BAIAP2L1: variants seen among roughly 807,000 people sequenced by gnomAD.
BAIAP2L1 encodes BAR/IMD domain-containing adapter protein 2-like 1.
Under a neutral mutation model 66.3 loss-of-function variants are expected in BAIAP2L1, and 35 were observed. That is an observed-to-expected ratio of 0.53 (90% CI 0.40 to 0.70). The LOEUF is 0.70. Ranked by LOEUF, BAIAP2L1 falls within the 30% of genes least tolerant of loss-of-function variation. The pLI is 0.00. For missense variants in BAIAP2L1, 622 were observed against 656.9 expected, an observed-to-expected ratio of 0.95 and a Z score of 0.58; for synonymous variants, 269 against 248.7, an observed-to-expected ratio of 1.08 and a Z score of -0.77.
chr7:98,362,242 G>T, intron 2 of BAIAP2L1, 115 bp downstream of exon 2: 1 of 761,700 alleles, frequency 1.3e-6, no homozygotes, highest in Non-Finnish European at 2.1e-6. Context: ...TAAATTCATT[G>T]TGAACAATTT....
Position 98,304,366 on chromosome 7 carries a change from C to T in BAIAP2L1, c.1252G>A (p.Val418Met), listed in dbSNP as rs1800550660. 2 of 1,613,336 alleles carry T rather than the reference C, an allele frequency of 1.2e-6. No homozygotes were observed. The highest frequency in any genetic ancestry group is 2.2e-5 in the South Asian group (2 of 90,912). ...AAGTTCACGGTGCTGATGCTTCTCACTGGTGTGGGGCTCAAACCCAAAAAG... is the reference window on the plus strand; with the variant it reads ...AAGTTCACGGTGCTGATGCTTCTCATTGGTGTGGGGCTCAAACCCAAAAAG... The part of the protein sequence containing the change: ...VTVPTPSPTP[V>M]RSISTVNLSE... Residue 418 changes from valine to methionine, a missense_variant, in exon 12 of 14, where the codon GTG (valine) becomes ATG (methionine). Physicochemically the swap from Val to Met is conservative, Grantham distance 21. Transcript: ENST00000005260.
intron 10 of BAIAP2L1, 156 bp from the exon 11 acceptor site, chr7:98,306,672 A>G: frequency 9.2e-7 from 1 of 1,083,570 alleles, no homozygotes; most frequent in East Asian, 2.6e-5. Context: ...ATAGGTAAAT[A>G]TGGACTTTCA....
At chr7:98,396,631 C>A (rs976940453) in intron 1 of BAIAP2L1, among the ~76,000 whole-genome samples, 9 of 151,992 alleles carry the variant, frequency 5.9e-5, no homozygotes, top group Non-Finnish European at 1.2e-4. Context: ...CTGCTTCTAT[C>A]AAAAAATGCA....
At chr7:98,299,766 C>G (rs866344727) in intron 12 of BAIAP2L1, among the ~76,000 whole-genome samples, 1 of 152,186 alleles carries the variant, frequency 6.6e-6, no homozygotes, top group African/African-American at 2.4e-5. Flanking sequence ...ATTTGCCGGG[C>G]GCAGTGACTC....
intron 11 of BAIAP2L1, among the ~76,000 whole-genome samples, chr7:98,305,629 C>T (rs1034997215): frequency 2.6e-5 from 4 of 152,018 alleles, no homozygotes; most frequent in Non-Finnish European, 4.4e-5. Flanking sequence ...TGCTATGTTG[C>T]GCAGGCTGGT....
At chr7:98,308,511 C>G (rs968855344) in intron 9 of BAIAP2L1, 1 of 353,894 alleles carries the variant, frequency 2.8e-6, no homozygotes, top group Non-Finnish European at 5.6e-6. Context: ...TTATTATCCA[C>G]AGGACAGACC....
intron 3 of BAIAP2L1, among the ~76,000 whole-genome samples, chr7:98,331,330 T>A (rs1801489752): frequency 6.6e-6 from 1 of 151,974 alleles, no homozygotes; most frequent in African/African-American, 2.4e-5. Flanking sequence ...TGTAATAATA[T>A]GAGAATCTTC....
intron 1 of BAIAP2L1, among the ~76,000 whole-genome samples, chr7:98,397,544 C>A (rs547395899): frequency 6.6e-6 from 1 of 151,990 alleles, no homozygotes; most frequent in African/African-American, 2.4e-5. Context: ...AGGACGGTCT[C>A]GATCTCCTGA....
At chr7:98,295,542 G>A (rs765254397) in intron 12 of BAIAP2L1, among the ~76,000 whole-genome samples, 4 of 152,258 alleles carry the variant, frequency 2.6e-5, no homozygotes, top group African/African-American at 9.6e-5. Context: ...GGTGCCTGTC[G>A]CATGTGCTCA....
intron 2 of BAIAP2L1, among the ~76,000 whole-genome samples, chr7:98,355,715 G>A (rs1477768032): frequency 6.6e-6 from 1 of 152,100 alleles, no homozygotes; most frequent in Non-Finnish European, 1.5e-5. Flanking sequence ...GGGTGACACA[G>A]CCAGATATTG....
rs111318271 is a variant in BAIAP2L1, at chr7:98,367,604, C to T, written c.52-5172G>A. 9.9e-3 allele frequency among the ~76,000 whole-genome samples: 1,404 copies of T among 142,176 alleles called. 26 individuals are homozygous for T. The highest frequency in any genetic ancestry group is 0.035 in the African/African-American group (1,348 of 38,780). 93.3% of individuals were successfully genotyped at this position (142,176 alleles called of 152,430 possible). ...AGGCTAGAGTGCAGTGACGCAATCT[C>T]GGCTCACTGCAAGCTCTGCCTCTGG... On this transcript the variant is annotated intron_variant, in intron 1 of 13. Coordinates refer to ENST00000005260, the MANE Select transcript of BAIAP2L1 (RefSeq NM_018842.5).
chr7:98,389,587 C>CT (rs1458244186), intron 1 of BAIAP2L1, among the ~76,000 whole-genome samples: 4 of 152,104 alleles, frequency 2.6e-5, no homozygotes, highest in African/African-American at 9.7e-5. Flanking sequence ...TCCGAAACTG[C>CT]TGGGATTACG....
chr7:98,394,768 G>A (rs532983738), intron 1 of BAIAP2L1, among the ~76,000 whole-genome samples: 6 of 152,298 alleles, frequency 3.9e-5, no homozygotes, highest in East Asian at 1.9e-4. Context: ...GCCATCAGAC[G>A]TGAGCCAGAA....
rs1554412610 is a variant in BAIAP2L1 at position 98,315,622 on chromosome 7, A to AATAAT, written c.487-11_487-10insATTAT. The AATAAT allele has an allele frequency of 9.3e-7, 1 of 1,072,930 alleles. No individual in the cohort carries two copies. The highest frequency in any genetic ancestry group is 1.2e-6 in the Non-Finnish European group (1 of 834,542). 66.5% of individuals were successfully genotyped at this position (1,072,930 alleles called of 1,614,324 possible). On this transcript the variant is annotated splice_polypyrimidine_tract_variant and intron_variant, in intron 6 of 13. Coordinates refer to ENST00000005260, the MANE Select transcript of BAIAP2L1 (RefSeq NM_018842.5). ...TAACGGTCTCCACATACTAAAAAAA[A>AATAAT]AAAAATAATAATAATAATAATTATA...
chr7:98,393,112 TACACATATATGTATATATAC>T lies in BAIAP2L1; in HGVS notation c.51+7670_51+7689del, dbSNP rs1405415950. Among the ~76,000 whole-genome samples the T allele has an allele frequency of 7.2e-5, 6 of 82,768 alleles. 2 individuals carry two copies. Among genetic ancestry groups the T allele is most frequent in the Non-Finnish European group, 1.6e-4 (6 of 37,232 alleles). 54.3% of individuals were successfully genotyped at this position (82,768 alleles called of 152,430 possible). Reference sequence around the variant, plus strand: ...ATACATATATACGTGTACATATATGTACACATATATGTATATATACACACATATGTGTACATATATATGTA... The same window carrying T: ...ATACATATATACGTGTACATATATGTACACATATGTGTACATATATATGTA... On this transcript the variant is annotated intron_variant, in intron 1 of 13. Coordinates refer to ENST00000005260, the MANE Select transcript of BAIAP2L1 (RefSeq NM_018842.5).
At chr7:98,371,034 T>TAG (rs1397789753) in intron 1 of BAIAP2L1, among the ~76,000 whole-genome samples, 1 of 152,212 alleles carries the variant, frequency 6.6e-6, no homozygotes, top group Non-Finnish European at 1.5e-5. Context: ...CTGCAAGGCT[T>TAG]GTGAAGACCT....
At chr7:98,316,691 C>T (rs1214352411) in intron 6 of BAIAP2L1, among the ~76,000 whole-genome samples, 1 of 152,042 alleles carries the variant, frequency 6.6e-6, no homozygotes, top group Non-Finnish European at 1.5e-5. Flanking sequence ...CTATAGTCAC[C>T]CTACTCTGCT....
intron 3 of BAIAP2L1, among the ~76,000 whole-genome samples, chr7:98,329,296 C>T (rs939275087): frequency 4.6e-5 from 7 of 152,190 alleles, no homozygotes; most frequent in Admixed American, 3.3e-4. Context: ...GACAGGCTGA[C>T]GCAGAGACTC....
At chr7:98,357,168 T>C (rs1802155805) in intron 2 of BAIAP2L1, among the ~76,000 whole-genome samples, 2 of 147,604 alleles carry the variant, frequency 1.4e-5, no homozygotes, top group Admixed American at 6.9e-5. Flanking sequence ...ATTATAGTTG[T>C]GAGCCACAGA....
Sources: allele counts gnomAD v4.1 joint callset (sites outside exome capture counted in the v4.1 genomes callset), GRCh38; gene constraint gnomAD v4.1.1; transcripts MANE v1.5; gene names NCBI Gene and HGNC (gene_info 2026-07-23, HGNC 2026-07-21).